ILKAP: variants seen among roughly 807,000 people sequenced by gnomAD.
ILKAP encodes ILK associated serine/threonine phosphatase.
ILKAP carries 11 observed loss-of-function variants against 49.1 expected under a neutral mutation model. The ratio of observed to expected loss-of-function variants is 0.22; its 90% CI spans 0.14 to 0.37. ILKAP has a LOEUF of 0.37. Among genes scored for constraint, ILKAP ranks in the 10% least tolerant of loss-of-function variants. The pLI is 1.00. For synonymous variants in ILKAP, 186 were observed against 192.8 expected, an observed-to-expected ratio of 0.96 and a Z score of 0.29; for missense variants, 363 against 510.8, an observed-to-expected ratio of 0.71 and a Z score of 2.79.
chr2:238,187,106 A>T (rs1450881678), intron 5 of ILKAP: 1 of 152,288 alleles, frequency 6.6e-6, no homozygotes, highest in Admixed American at 6.5e-5. Flanking sequence ...TCAAAAAATT[A>T]GCCGGCTGTG....
intron 3 of ILKAP, 33 bp from the exon 4 acceptor site, chr2:238,190,005 A>C: frequency 3.7e-6 from 6 of 1,607,442 alleles, no homozygotes; most frequent in African/African-American, 1.3e-5. Flanking sequence ...ACAGAAACAC[A>C]GCTGTAGACT....
At chr2:238,197,319 G>A (rs977524970) in intron 1 of ILKAP, among the ~76,000 whole-genome samples, 12 of 152,154 alleles carry the variant, frequency 7.9e-5, no homozygotes, top group East Asian at 1.9e-4. Flanking sequence ...CACAACGCCC[G>A]TTCTCCGGAC....
intron 1 of ILKAP, among the ~76,000 whole-genome samples, chr2:238,202,499 C>G (rs1165353131): frequency 6.6e-6 from 1 of 152,188 alleles, no homozygotes; most frequent in Non-Finnish European, 1.5e-5. Context: ...CACTGGTCTC[C>G]AGCCCCCGCT....
intron 10 of ILKAP, among the ~76,000 whole-genome samples, chr2:238,172,138 G>A (rs772992758): frequency 2.0e-5 from 3 of 151,898 alleles, no homozygotes; most frequent in African/African-American, 7.3e-5. Flanking sequence ...TGTAACCTCC[G>A]CCTCCCAGGT....
At chr2:238,197,281 C>T (rs80140380) in intron 1 of ILKAP, among the ~76,000 whole-genome samples, 1 of 152,314 alleles carries the variant, frequency 6.6e-6, no homozygotes, top group African/African-American at 2.4e-5. Flanking sequence ...AAGTAGGTCA[C>T]TTTTGCCCAA....
chr2:238,185,585 CGAGAT>C, intron 5 of ILKAP: 3 of 264,068 alleles, frequency 1.1e-5, no homozygotes, highest in South Asian at 4.2e-5. Context: ...AGGCGGATCA[CGAGAT>C]CAGGAGATCA....
intron 9 of ILKAP, among the ~76,000 whole-genome samples, chr2:238,175,955 A>G (rs1261671552): frequency 1.3e-5 from 2 of 151,632 alleles, no homozygotes; most frequent in African/African-American, 4.9e-5. Context: ...TACTCTATCC[A>G]CATCCATTTC....
At chr2:238,199,753 T>A (rs957196543) in intron 1 of ILKAP, among the ~76,000 whole-genome samples, 1 of 152,166 alleles carries the variant, frequency 6.6e-6, no homozygotes, top group African/African-American at 2.4e-5. Flanking sequence ...TCTAATACCT[T>A]AACCTTTATG....
intron 1 of ILKAP, among the ~76,000 whole-genome samples, 156 bp downstream of exon 1, chr2:238,203,343 C>A (rs1490763370): frequency 1.3e-5 from 2 of 150,334 alleles, no homozygotes; most frequent in Admixed American, 1.3e-4. Context: ...CGCCAGTGGG[C>A]CGGACGGGGC....
intron 1 of ILKAP, among the ~76,000 whole-genome samples, chr2:238,201,104 T>C (rs1694549999): frequency 6.6e-6 from 1 of 152,270 alleles, no homozygotes; most frequent in African/African-American, 2.4e-5. Context: ...CCACATATCA[T>C]GTGTGAGGGT....
At chr2:238,189,063 A>G (rs142580320) in intron 4 of ILKAP, among the ~76,000 whole-genome samples, 152 of 152,208 alleles carry the variant, frequency 1.0e-3, no homozygotes, top group African/African-American at 3.5e-3. Flanking sequence ...TCACGCCTGT[A>G]ATCCCAGCAC....
At chr2:238,177,792 A>T (rs1301037121) in intron 9 of ILKAP, among the ~76,000 whole-genome samples, 1 of 152,134 alleles carries the variant, frequency 6.6e-6, no homozygotes, top group East Asian at 1.9e-4. Context: ...AGGTATGCAA[A>T]TATCTGTTCG....
intron 6 of ILKAP, among the ~76,000 whole-genome samples, chr2:238,184,744 TA>T (rs1203837646): frequency 6.7e-6 from 1 of 150,124 alleles, no homozygotes; most frequent in Non-Finnish European, 1.5e-5. Context: ...TTTTTTTTTT[TA>T]TAGAGATAGA....
chr2:238,194,446 G>T lies in ILKAP; in HGVS notation c.122-115C>A, dbSNP rs878892540. 3.0e-5 allele frequency: 26 copies of T among 881,282 alleles called. No individual in the cohort carries two copies. In the South Asian group the frequency reaches 3.8e-4, roughly 13 times the overall value. 54.6% of individuals were successfully genotyped at this position (881,282 alleles called of 1,614,324 possible). ...TACTGAAATAAACTCAAAACTTTGC[G>T]TCAATCCAGTGGCAACTCATACTGC... is the stretch of plus-strand genomic sequence containing the variant. On this transcript the variant is annotated intron_variant, in intron 2 of 11. Coordinates refer to ENST00000254654, the MANE Select transcript of ILKAP (RefSeq NM_030768.3).
At chr2:238,199,023 A>T (rs1694461407) in intron 1 of ILKAP, among the ~76,000 whole-genome samples, 2 of 152,116 alleles carry the variant, frequency 1.3e-5, no homozygotes, top group Non-Finnish European at 2.9e-5. Context: ...ACTTTCCTTA[A>T]TGCTCATGCA....
At chr2:238,182,277 G>T in intron 8 of ILKAP, 91 bp from the exon 9 acceptor site, 1 of 1,447,390 alleles carries the variant, frequency 6.9e-7, no homozygotes, top group Non-Finnish European at 9.5e-7. Flanking sequence ...AATGGAGTTT[G>T]AAGAAAACAG....
chr2:238,190,818 G>C (rs1694087843), intron 3 of ILKAP, among the ~76,000 whole-genome samples: 1 of 139,398 alleles, frequency 7.2e-6, no homozygotes, highest in African/African-American at 2.7e-5. Context: ...GAGGCAGAAG[G>C]ATCACTTCAG....
Position 238,203,507 on chromosome 2 carries a change from G to T in ILKAP, c.47C>A (p.Pro16Gln). The change falls in exon 1 of 12, where the codon CCG (proline) becomes CAG (glutamine). Residue 16 changes from proline to glutamine, a missense_variant. Coordinates refer to ENST00000254654, the MANE Select transcript of ILKAP (RefSeq NM_030768.3). ...DLPEPERSPR[P>Q]AAGKEAQKGP... ...GCGGCAACGCCGCTTACCGGCAGCC[G>T]GGCGCGGCGAGCGCTCGGGCTCCGG... The T allele has an allele frequency of 8.0e-7, 1 of 1,252,618 alleles. No individual in the cohort carries two copies. Among genetic ancestry groups the T allele is most frequent in the Non-Finnish European group, 1.0e-6 (1 of 987,532 alleles). The allele number at this position is 1,252,618 out of a possible 1,614,324, so 77.6% of individuals were successfully genotyped here.
At position 238,170,701 on chromosome 2, in the gene ILKAP, T is replaced by C. The variant is rs771923421; in HGVS notation, c.1039-25A>G. The C allele has an allele frequency of 1.1e-5, 18 of 1,594,672 alleles. 1 individual carries two copies. In the South Asian group the frequency reaches 1.9e-4, roughly 17 times the overall value. Reference sequence around the variant, plus strand: ...CCTACCAGATGAGAAAGGGAATGAGTGAATGGAGTGACCCCGCACCCTGTC... The same window carrying C: ...CCTACCAGATGAGAAAGGGAATGAGCGAATGGAGTGACCCCGCACCCTGTC... On this transcript the variant is annotated intron_variant, in intron 11 of 11. Transcript: ENST00000254654.
Sources: allele counts gnomAD v4.1 joint callset (sites outside exome capture counted in the v4.1 genomes callset), GRCh38; gene constraint gnomAD v4.1.1; transcripts MANE v1.5; gene names NCBI Gene and HGNC (gene_info 2026-07-23, HGNC 2026-07-21).